HTR1F: variants seen among roughly 807,000 people sequenced by gnomAD.
HTR1F encodes the protein 5-hydroxytryptamine (serotonin) receptor 1F, G protein-coupled.
A neutral mutation model predicts 24.0 loss-of-function variants in HTR1F; 17 were observed. That is an observed-to-expected ratio of 0.71 (90% confidence interval 0.48 to 1.06). The LOEUF (loss-of-function observed/expected upper bound fraction) is 1.06. Among genes scored for constraint, HTR1F ranks in the 50% least tolerant of loss-of-function variants. The pLI is 0.00. For synonymous variants in HTR1F, 186 were observed against 156.8 expected (o/e 1.19, Z -1.39); for missense variants, 391 against 427.8 (o/e 0.91, Z 0.76).
chr3:87,830,188 C>G lies in HTR1F; in HGVS notation c.-43+8064C>G, dbSNP rs995719745. Among the ~76,000 whole-genome samples the G allele has an allele frequency of 1.2e-4, 18 of 152,226 alleles. No individual in the cohort carries two copies. In the Middle Eastern group the frequency reaches 0.01, roughly 86 times the overall value. On this transcript the variant is annotated intron_variant, in intron 2 of 2. Coordinates refer to ENST00000319595, the MANE Select transcript of HTR1F (RefSeq NM_001322209.2). ...ATACTTGCTTCACCTGGATATGATT[C>G]TAGAGAGTCTATGAGCCCCTTGAAA...
At chr3:87,982,417 C>T (rs1209558995) in intron 2 of HTR1F, among the ~76,000 whole-genome samples, 3 of 152,116 alleles carry the variant, frequency 2.0e-5, no homozygotes, top group African/African-American at 7.2e-5. Flanking sequence ...ACATTTGGGG[C>T]ACGTAGTGAC....
intron 2 of HTR1F, among the ~76,000 whole-genome samples, chr3:87,822,884 C>T (rs957167873): frequency 2.0e-5 from 3 of 152,160 alleles, no homozygotes; most frequent in Non-Finnish European, 2.9e-5. Context: ...GGCTCCTAGC[C>T]GGATAATATT....
At chr3:87,946,629 T>TATA (rs869086809) in intron 2 of HTR1F, among the ~76,000 whole-genome samples, 2 of 65,556 alleles carry the variant, frequency 3.1e-5, no homozygotes, top group African/African-American at 4.1e-5. Context: ...ATATATATAT[T>TATA]TTTTTTTTTT....
intron 2 of HTR1F, among the ~76,000 whole-genome samples, chr3:87,976,253 C>T (rs2107503495): frequency 6.6e-6 from 1 of 152,212 alleles, no homozygotes; most frequent in Non-Finnish European, 1.5e-5. Flanking sequence ...CCATTAATTA[C>T]ATTTGTATAA....
chr3:87,820,865 A>C (rs1212721077), intron 1 of HTR1F, among the ~76,000 whole-genome samples: 2 of 152,154 alleles, frequency 1.3e-5, no homozygotes, highest in African/African-American at 4.8e-5. Context: ...CATGACTATT[A>C]ACTCAGGTAA....
rs1445442113 is a variant in HTR1F, at chr3:87,990,146, A to G, written c.-42-562A>G. ...GTTCGTGGAGTTTCTTCAGACCCCC[A>G]ATAAAACTTGTTCATCCTAAATGGA... is the stretch of plus-strand genomic sequence containing the variant. On this transcript the variant is annotated intron_variant, in intron 2 of 2. Coordinates refer to ENST00000319595, the MANE Select transcript of HTR1F (RefSeq NM_001322209.2). Among the ~76,000 whole-genome samples the G allele has an allele frequency of 2.0e-5, 3 of 152,164 alleles. No homozygotes were observed. The East Asian group carries it at 5.8e-4, about 29-fold the overall frequency.
intron 2 of HTR1F, among the ~76,000 whole-genome samples, chr3:87,971,465 G>T (rs1001128862): frequency 1.3e-5 from 2 of 151,978 alleles, no homozygotes; most frequent in Non-Finnish European, 2.9e-5. Flanking sequence ...AGTCTGAGGT[G>T]GGAGGATCAC....
At chr3:87,904,388 G>T (rs1339401503) in intron 2 of HTR1F, among the ~76,000 whole-genome samples, 1 of 152,076 alleles carries the variant, frequency 6.6e-6, no homozygotes, top group Non-Finnish European at 1.5e-5. Context: ...TAATAGAAAT[G>T]TGTACATATA....
intron 2 of HTR1F, among the ~76,000 whole-genome samples, chr3:87,986,299 AC>A (rs1705660204): frequency 6.6e-6 from 1 of 152,096 alleles, no homozygotes; most frequent in Non-Finnish European, 1.5e-5. Context: ...TAAAAATAAA[AC>A]CCAACGCCAT....
chr3:87,851,223 C>T (rs1296482128), intron 2 of HTR1F, among the ~76,000 whole-genome samples: 1 of 151,578 alleles, frequency 6.6e-6, no homozygotes, highest in Non-Finnish European at 1.5e-5. Flanking sequence ...TTTTGCAATT[C>T]TCTTTTTTCA....
chr3:87,793,619 G>A (rs530963793), intron 1 of HTR1F: 1 of 152,126 alleles, frequency 6.6e-6, no homozygotes, highest in African/African-American at 2.4e-5. Context: ...TGAGAGCTCA[G>A]GGATGAGTAG....
chr3:87,865,926 CA>C (rs1004837554), intron 2 of HTR1F, among the ~76,000 whole-genome samples: 33 of 152,220 alleles, frequency 2.2e-4, no homozygotes, highest in African/African-American at 7.2e-4. Flanking sequence ...TACTGACAAA[CA>C]GCTTACCAAA....
intron 2 of HTR1F, among the ~76,000 whole-genome samples, chr3:87,855,007 T>C (rs1305473746): frequency 6.6e-6 from 1 of 152,074 alleles, no homozygotes; most frequent in Non-Finnish European, 1.5e-5. Flanking sequence ...TTCCTAGTTG[T>C]GTGTTCTCTG....
chr3:87,983,636 T>G (rs1218673576), intron 2 of HTR1F, among the ~76,000 whole-genome samples: 2 of 152,180 alleles, frequency 1.3e-5, no homozygotes, highest in Non-Finnish European at 2.9e-5. Context: ...ATGAAACTAG[T>G]ACTGATCCAG....
chr3:87,978,938 G>GGAAGGAAA (rs1705462985), intron 2 of HTR1F, among the ~76,000 whole-genome samples: 1 of 45,682 alleles, frequency 2.2e-5, no homozygotes, highest in African/African-American at 5.9e-5. Flanking sequence ...GGAAGGAAAA[G>GGAAGGAAA]AGAGAGATGG....
At chr3:87,955,150 T>A (rs1412674480) in intron 2 of HTR1F, among the ~76,000 whole-genome samples, 2 of 151,488 alleles carry the variant, frequency 1.3e-5, no homozygotes, top group African/African-American at 4.8e-5. Context: ...GCCACCACCA[T>A]AATCAAAATA....
intron 2 of HTR1F, among the ~76,000 whole-genome samples, chr3:87,881,786 G>T (rs984056317): frequency 1.6e-4 from 24 of 152,270 alleles, no homozygotes; most frequent in African/African-American, 5.3e-4. Flanking sequence ...ATACCATTCA[G>T]GACATAGGCA....
intron 2 of HTR1F, among the ~76,000 whole-genome samples, chr3:87,882,795 T>C (rs1036380995): frequency 6.6e-6 from 1 of 151,922 alleles, no homozygotes; most frequent in African/African-American, 2.4e-5. Context: ...GCATGGCACA[T>C]GTATACATAT....
intron 2 of HTR1F, among the ~76,000 whole-genome samples, chr3:87,835,158 T>C (rs1373221267): frequency 2.6e-5 from 4 of 152,186 alleles, no homozygotes; most frequent in East Asian, 3.9e-4. Context: ...CCAGAGGTTC[T>C]TGGTGTTAGG....
Sources: gnomAD v4.1 joint callset for allele counts (sites outside exome capture counted in the v4.1 genomes callset) on GRCh38, gnomAD v4.1.1 for gene constraint, MANE v1.5 for transcripts, NCBI Gene and HGNC (gene_info 2026-07-23, HGNC 2026-07-21) for gene names.